Variants in CSMD1 observed in about 807,000 individuals in gnomAD.
CSMD1 encodes the protein CUB and sushi domain-containing protein 1.
CSMD1 carries 213 observed loss-of-function variants against 417.5 expected under a neutral mutation model. That is an observed-to-expected ratio of 0.51 (90% CI 0.46 to 0.57). CSMD1 has a LOEUF of 0.57. CSMD1 is among the 20% of genes least tolerant of loss of function. CSMD1 has a pLI of 0.00. For missense variants in CSMD1, 6,923 were observed against 4,529.7 expected, an observed-to-expected ratio of 1.53 and a Z score of -15.17; for synonymous variants, 2,862 against 1,736.8, an observed-to-expected ratio of 1.65 and a Z score of -16.11.
intron 10 of CSMD1, among the ~76,000 whole-genome samples, chr8:3,556,392 A>ATATATATATATATATAGAT (rs1554468279): frequency 8.3e-6 from 1 of 120,448 alleles, no homozygotes; most frequent in Non-Finnish European, 1.7e-5. Context: ...TATAATAATT[A>ATATATATATATATATAGAT]ATATATATAT....
At chr8:3,439,755 C>G (rs988097884) in intron 12 of CSMD1, among the ~76,000 whole-genome samples, 13 of 152,008 alleles carry the variant, frequency 8.6e-5, no homozygotes, top group African/African-American at 3.1e-4. Context: ...GCAAATATTT[C>G]CTCATATCTT....
chr8:3,514,684 T>C (rs1357395170), intron 10 of CSMD1, among the ~76,000 whole-genome samples: 2 of 152,170 alleles, frequency 1.3e-5, no homozygotes, highest in Admixed American at 6.5e-5. Context: ...TATTTGTAGG[T>C]ATCTTTTGTT....
chr8:3,914,941 C>T lies in CSMD1; in HGVS notation c.818+82962G>A, dbSNP rs761942493. 5.3e-5 allele frequency among the ~76,000 whole-genome samples: 8 copies of T among 152,060 alleles called. No individual in the cohort carries two copies. The East Asian group carries it at 5.8e-4, about 11-fold the overall frequency. ...CTGATTGAACTAAACACAACAACAA[C>T]GACAACAACAAAACAGTATTGCAGT... On this transcript the variant is annotated intron_variant, in intron 5 of 69. Transcript: ENST00000635120.
At chr8:3,430,835 G>A (rs1477547102) in intron 12 of CSMD1, among the ~76,000 whole-genome samples, 1 of 152,024 alleles carries the variant, frequency 6.6e-6, no homozygotes, top group Non-Finnish European at 1.5e-5. Context: ...ATTCAAAGAA[G>A]CTCTTTGTAA....
At chr8:3,508,051 C>G (rs557084179) in intron 10 of CSMD1, among the ~76,000 whole-genome samples, 124 of 152,194 alleles carry the variant, frequency 8.1e-4, no homozygotes, top group African/African-American at 2.9e-3. Flanking sequence ...GTTGCCATTG[C>G]TTTTGGTGTT....
intron 5 of CSMD1, among the ~76,000 whole-genome samples, chr8:3,945,818 CAT>C (rs897580146): frequency 2.0e-5 from 3 of 152,054 alleles, no homozygotes; most frequent in Admixed American, 1.3e-4. Context: ...CCAACACACA[CAT>C]GAGGTAGTAT....
At chr8:3,731,966 C>T (rs1294405372) in intron 6 of CSMD1, among the ~76,000 whole-genome samples, 1 of 152,110 alleles carries the variant, frequency 6.6e-6, no homozygotes, top group Non-Finnish European at 1.5e-5. Flanking sequence ...TGGGCTCTCA[C>T]TGAACTCAGC....
At chr8:4,454,973 G>A (rs988148296) in intron 2 of CSMD1, among the ~76,000 whole-genome samples, 1 of 152,136 alleles carries the variant, frequency 6.6e-6, no homozygotes, top group African/African-American at 2.4e-5. Context: ...ATGGACCTGG[G>A]ATGGCAGAGT....
At chr8:3,220,670 A>T (rs1798156644) in intron 28 of CSMD1, among the ~76,000 whole-genome samples, 1 of 152,168 alleles carries the variant, frequency 6.6e-6, no homozygotes, top group African/African-American at 2.4e-5. Flanking sequence ...CTCTCTACTA[A>T]AAATACAAAA....
At chr8:4,849,746 G>A (rs1034280415) in intron 1 of CSMD1, among the ~76,000 whole-genome samples, 1 of 152,122 alleles carries the variant, frequency 6.6e-6, no homozygotes. Flanking sequence ...TAGGTCTCTA[G>A]GAAGCTAAAC....
chr8:4,463,730 C>A (rs1217664), intron 2 of CSMD1, among the ~76,000 whole-genome samples: 331 of 152,152 alleles, frequency 2.2e-3, no homozygotes, highest in Non-Finnish European at 3.7e-3. Flanking sequence ...ATTAGTGTTT[C>A]CTTTGGGCCG....
At chr8:4,084,552 T>C (rs1052764602) in intron 3 of CSMD1, among the ~76,000 whole-genome samples, 1 of 152,180 alleles carries the variant, frequency 6.6e-6, no homozygotes, top group Admixed American at 6.6e-5. Context: ...GGACAATTGG[T>C]AGGATGTTAG....
intron 2 of CSMD1, among the ~76,000 whole-genome samples, chr8:4,567,238 T>C (rs1225310548): frequency 6.6e-6 from 1 of 152,130 alleles, no homozygotes; most frequent in Admixed American, 6.5e-5. Flanking sequence ...TATAAGTGAG[T>C]GAATGAATGG....
chr8:4,289,056 G>C (rs17335078), intron 3 of CSMD1, among the ~76,000 whole-genome samples: 12,709 of 152,152 alleles, frequency 0.084, 683 homozygotes, highest in Non-Finnish European at 0.12. Flanking sequence ...CATAAAAACA[G>C]TGCACATATG....
At chr8:3,780,056 CATTCTTTAAA>C (rs1201533460) in intron 5 of CSMD1, among the ~76,000 whole-genome samples, 1 of 152,176 alleles carries the variant, frequency 6.6e-6, no homozygotes, top group Non-Finnish European at 1.5e-5. Flanking sequence ...TTGTGAGAAA[CATTCTTTAAA>C]ATTCTTTAAA....
intron 6 of CSMD1, among the ~76,000 whole-genome samples, chr8:3,725,690 G>C (rs1230331156): frequency 6.7e-6 from 1 of 149,266 alleles, no homozygotes; most frequent in Non-Finnish European, 1.5e-5. Context: ...GGCAGGGGCA[G>C]CCACCACTGC....
At position 4,100,294 on chromosome 8, in the gene CSMD1, A is replaced by G. The variant is rs141954133; in HGVS notation, c.416-68195T>C. On this transcript the variant is annotated intron_variant, in intron 3 of 69. Coordinates refer to ENST00000635120, the MANE Select transcript of CSMD1 (RefSeq NM_033225.6). The stretch of plus-strand genomic sequence containing the variant: ...GTATTCATCCTTTTTGTATCTTATT[A>G]GTATCTTTTACCAAATGAAACCTTC... Among the ~76,000 whole-genome samples the G allele has an allele frequency of 3.1e-3, 471 of 152,322 alleles. 5 individuals are homozygous for G. The highest frequency in any genetic ancestry group is 0.029 in the South Asian group (138 of 4,820).
At chr8:3,191,484 C>A (rs529413026) in intron 33 of CSMD1, among the ~76,000 whole-genome samples, 2 of 152,050 alleles carry the variant, frequency 1.3e-5, no homozygotes, top group East Asian at 3.9e-4. Flanking sequence ...AAATAGCAAG[C>A]CCCTCCAGTT....
rs762327000 is a variant in CSMD1 at position 3,214,631 on chromosome 8, G to A, written c.4733C>T (p.Thr1578Ile). 8 of 1,554,962 alleles carry A rather than the reference G, an allele frequency of 5.1e-6. No homozygotes were observed. The highest frequency in any genetic ancestry group is 7.0e-6 in the Non-Finnish European group (8 of 1,148,716). Residue 1578 changes from threonine to isoleucine, a missense_variant, in exon 30 of 70, where the codon ACA becomes ATA. By Grantham distance (89) the Thr-to-Ile change is moderately conservative. Coordinates refer to ENST00000635120, the MANE Select transcript of CSMD1 (RefSeq NM_033225.6). ...GATGGTGGAGCCAAGCTTGAAGTCTGTTCCAACTCTTGTCCCATTCATTAT... is the reference window on the plus strand; with the variant it reads ...GATGGTGGAGCCAAGCTTGAAGTCTATTCCAACTCTTGTCCCATTCATTAT... Reference protein sequence around the residue: ...GNIMNGTRVGTDFKLGSTITY... With the variant: ...GNIMNGTRVGIDFKLGSTITY...
Sources: allele counts gnomAD v4.1 joint callset (sites outside exome capture counted in the v4.1 genomes callset), GRCh38; gene constraint gnomAD v4.1.1; transcripts MANE v1.5; gene names NCBI Gene and HGNC (gene_info 2026-07-23, HGNC 2026-07-21).